SAMD13: variants seen among roughly 807,000 people sequenced by gnomAD.
SAMD13 encodes the protein sterile alpha motif domain-containing protein 13.
A neutral mutation model predicts 12.4 loss-of-function variants in SAMD13; 9 were observed. The ratio of observed to expected loss-of-function variants is 0.72; its 90% CI spans 0.44 to 1.26. The LOEUF is 1.26. Among genes scored for constraint, SAMD13 ranks in the 50% most tolerant of loss-of-function variants. The pLI, the probability that SAMD13 is intolerant of heterozygous loss-of-function variation, is 0.00. For synonymous variants in SAMD13, 46 were observed against 45.4 expected (o/e 1.01, Z -0.05); for missense variants, 84 against 119.6 (o/e 0.70, Z 1.39).
intron 2 of SAMD13, among the ~76,000 whole-genome samples, chr1:84,305,463 T>TC (rs1427046304): frequency 6.6e-6 from 1 of 152,120 alleles, no homozygotes; most frequent in East Asian, 1.9e-4. Context: ...TTTCATTCTC[T>TC]CCATAGCATC....
At chr1:84,299,173 C>G (rs926968499), upstream of SAMD13, among the ~76,000 whole-genome samples, 3 of 152,068 alleles carry the variant, frequency 2.0e-5, no homozygotes, top group Admixed American at 2.0e-4. Context: ...GGGTCGGATC[C>G]CGGGAGGCAG....
chr1:84,339,100 A>G (rs1256652886), intron 3 of SAMD13, among the ~76,000 whole-genome samples: 2 of 152,148 alleles, frequency 1.3e-5, no homozygotes, highest in Non-Finnish European at 2.9e-5. Flanking sequence ...TTGAACCTCA[A>G]TGATCTTCAT....
intron 3 of SAMD13, among the ~76,000 whole-genome samples, chr1:84,348,499 C>T (rs763367413): frequency 4.0e-5 from 6 of 151,082 alleles, no homozygotes; most frequent in East Asian, 1.9e-4. Context: ...CGTGACTCAC[C>T]GACCATGCAC....
upstream of SAMD13, among the ~76,000 whole-genome samples, chr1:84,299,817 CT>C (rs749502405): frequency 5.0e-4 from 76 of 152,124 alleles, no homozygotes; most frequent in Non-Finnish European, 8.5e-4. Context: ...TCCTACAACA[CT>C]TTCTGAAACT....
chr1:84,342,373 A>G (rs1026626130), intron 3 of SAMD13, among the ~76,000 whole-genome samples: 1 of 152,190 alleles, frequency 6.6e-6, no homozygotes, highest in Non-Finnish European at 1.5e-5. Flanking sequence ...TGGAAGAACA[A>G]CATCAAAAAA....
intron 2 of SAMD13, among the ~76,000 whole-genome samples, chr1:84,305,189 A>G (rs1009989205): frequency 1.3e-5 from 2 of 152,154 alleles, no homozygotes; most frequent in African/African-American, 2.4e-5. Flanking sequence ...GCTTAGTGTG[A>G]TCAATCACTT....
intron 2 of SAMD13, among the ~76,000 whole-genome samples, chr1:84,310,254 A>G (rs1678679981): frequency 6.6e-6 from 1 of 152,120 alleles, no homozygotes; most frequent in Admixed American, 6.6e-5. Flanking sequence ...TGTGTACTTT[A>G]CACTTATAGT....
At chr1:84,339,368 T>C (rs537669054) in intron 3 of SAMD13, among the ~76,000 whole-genome samples, 138 of 152,350 alleles carry the variant, frequency 9.1e-4, no homozygotes, top group South Asian at 2.9e-3. Flanking sequence ...GTGTTTTTTT[T>C]GCCTTTATCT....
intron 3 of SAMD13, among the ~76,000 whole-genome samples, chr1:84,347,198 C>T (rs1679551834): frequency 6.6e-6 from 1 of 152,144 alleles, no homozygotes; most frequent in Non-Finnish European, 1.5e-5. Flanking sequence ...TTCTCTATTC[C>T]ACTGTCATTC....
At chr1:84,334,931 T>G (rs1378581385) in intron 3 of SAMD13, among the ~76,000 whole-genome samples, 1 of 151,978 alleles carries the variant, frequency 6.6e-6, no homozygotes, top group Admixed American at 6.6e-5. Context: ...ATAATTTCCC[T>G]TTTTTTTAAT....
At chr1:84,331,403 T>C (rs1422815627) in intron 3 of SAMD13, among the ~76,000 whole-genome samples, 1 of 149,274 alleles carries the variant, frequency 6.7e-6, no homozygotes, top group Non-Finnish European at 1.5e-5. Context: ...CATCATTAGC[T>C]TTCATGGCAA....
At chr1:84,326,940 A>T (rs1471549820) in intron 3 of SAMD13, among the ~76,000 whole-genome samples, 1 of 152,154 alleles carries the variant, frequency 6.6e-6, no homozygotes, top group African/African-American at 2.4e-5. Context: ...AAATTTCTTC[A>T]TACCTACCAG....
At chr1:84,337,133 C>T (rs577541205) in intron 3 of SAMD13, among the ~76,000 whole-genome samples, 179 of 152,252 alleles carry the variant, frequency 1.2e-3, no homozygotes, top group South Asian at 4.4e-3. Flanking sequence ...TGAGTGTCTG[C>T]GGCTTTTCTG....
Position 84,320,314 on chromosome 1 carries a change from G to T in SAMD13, c.54-5323G>T, listed in dbSNP as rs181568243. On this transcript the variant is annotated intron_variant, in intron 2 of 3. Transcript: ENST00000394834. The stretch of plus-strand genomic sequence containing the variant: ...TCAAGCATCTGAACTCTAAGCTAAA[G>T]AATTTGGAATATATAGAAGGTTTGA... Among the ~76,000 whole-genome samples the T allele has an allele frequency of 5.7e-3, 866 of 152,312 alleles. 3 individuals are homozygous for T. The highest frequency in any genetic ancestry group is 7.6e-3 in the Non-Finnish European group (515 of 68,018).
chr1:84,349,790 G>A lies in SAMD13; in HGVS notation c.*16G>A. Reference sequence around the variant, plus strand: ...CTCTTCATAGTACAGTCAAATTGGGGTCTTCGACCTCAAAAAATACATAAT... The same window carrying A: ...CTCTTCATAGTACAGTCAAATTGGGATCTTCGACCTCAAAAAATACATAAT... On this transcript the variant is annotated 3_prime_UTR_variant, in exon 4 of 4. Transcript: ENST00000394834. 6.3e-7 allele frequency: 1 copy of A among 1,587,650 alleles called. No homozygotes were observed. The highest frequency in any genetic ancestry group is 8.6e-7 in the Non-Finnish European group (1 of 1,167,712).
At position 84,321,351 on chromosome 1, in the gene SAMD13, T is replaced by C. The variant is rs575908135; in HGVS notation, c.54-4286T>C. 2.6e-5 allele frequency among the ~76,000 whole-genome samples: 4 copies of C among 151,500 alleles called. No homozygotes were observed. In the South Asian group the frequency reaches 8.3e-4, roughly 31 times the overall value. On this transcript the variant is annotated intron_variant, in intron 2 of 3. Coordinates refer to ENST00000394834, the MANE Select transcript of SAMD13 (RefSeq NM_001134663.2). ...GAGATTTCTTGCTAATTTTTAATAA[T>C]AAAGCTATATATAAATATATATATT...
chr1:84,299,495 TACAC>T (rs878887700), upstream of SAMD13: 34 of 694,034 alleles, frequency 4.9e-5, no homozygotes, highest in Middle Eastern at 5.2e-3. Context: ...ACACACCACA[TACAC>T]ACACACCCCC....
intron 3 of SAMD13, among the ~76,000 whole-genome samples, chr1:84,327,730 A>G (rs1679088969): frequency 6.6e-6 from 1 of 152,240 alleles, no homozygotes; most frequent in East Asian, 1.9e-4. Flanking sequence ...ATTGGCAATT[A>G]AATAGAAGGG....
At chr1:84,318,442 A>G (rs114780166) in intron 2 of SAMD13, among the ~76,000 whole-genome samples, 4,252 of 152,078 alleles carry the variant, frequency 0.028, 74 homozygotes, top group South Asian at 0.071. Flanking sequence ...ATTGATTTCT[A>G]GTTTCATTCA....
Sources: allele counts gnomAD v4.1 joint callset (sites outside exome capture counted in the v4.1 genomes callset), GRCh38; gene constraint gnomAD v4.1.1; transcripts MANE v1.5; gene names NCBI Gene and HGNC (gene_info 2026-07-23, HGNC 2026-07-21).